ERC2: variants seen among roughly 807,000 people sequenced by gnomAD.
ERC2 encodes the protein ELKS/RAB6-interacting/CAST family member 2.
ERC2 carries 42 observed loss-of-function variants against 114.8 expected under a neutral mutation model. That is an observed-to-expected ratio of 0.37 (90% CI 0.29 to 0.47). ERC2 has a LOEUF of 0.47. ERC2 is among the 20% of genes least tolerant of loss of function. The probability of loss-of-function intolerance (pLI) is 0.99; values close to 1 mark genes in which losing one functional copy is unlikely to be tolerated. For synonymous variants in ERC2, 454 were observed against 425.5 expected (o/e 1.07, Z -0.82); for missense variants, 939 against 1,150.7 (o/e 0.82, Z 2.66).
At chr3:55,676,590 T>C (rs2061827090) in intron 17 of ERC2, among the ~76,000 whole-genome samples, 1 of 150,308 alleles carries the variant, frequency 6.7e-6, no homozygotes, top group Non-Finnish European at 1.5e-5. Context: ...TTTCCCTCCA[T>C]GTTCCTAACC....
At chr3:56,051,719 A>G (rs1028530341) in intron 7 of ERC2, among the ~76,000 whole-genome samples, 1 of 151,748 alleles carries the variant, frequency 6.6e-6, no homozygotes, top group South Asian at 2.1e-4. Context: ...CCAGCTACTC[A>G]AGAGACTGAG....
At chr3:56,451,841 T>C (rs2062840723) in intron 1 of ERC2, among the ~76,000 whole-genome samples, 1 of 152,248 alleles carries the variant, frequency 6.6e-6, no homozygotes, top group Non-Finnish European at 1.5e-5. Flanking sequence ...ACAGCCTCTT[T>C]ACTCAGGTTC....
At chr3:56,275,914 T>C (rs188448069) in intron 3 of ERC2, among the ~76,000 whole-genome samples, 3 of 152,020 alleles carry the variant, frequency 2.0e-5, no homozygotes, top group African/African-American at 4.8e-5. Flanking sequence ...CAAGCCCCCA[T>C]CCCCAGCAAA....
chr3:55,952,198 CTATATATA>C (rs139081238), intron 12 of ERC2, among the ~76,000 whole-genome samples: 5 of 108,640 alleles, frequency 4.6e-5, no homozygotes, highest in African/African-American at 1.8e-4. Flanking sequence ...CTCTCTCTCT[CTATATATA>C]TATATATATA....
intron 13 of ERC2, among the ~76,000 whole-genome samples, chr3:55,923,532 A>C (rs1576213105): frequency 6.6e-6 from 1 of 152,272 alleles, no homozygotes; most frequent in East Asian, 1.9e-4. Flanking sequence ...ACAATAAAAA[A>C]AAAGTTGGTT....
At chr3:55,775,057 A>C (rs887033434) in intron 14 of ERC2, among the ~76,000 whole-genome samples, 8 of 152,336 alleles carry the variant, frequency 5.3e-5, no homozygotes, top group African/African-American at 1.9e-4. Flanking sequence ...GTCTTTCCAC[A>C]GCAGAAGCAG....
intron 12 of ERC2, among the ~76,000 whole-genome samples, chr3:55,982,414 G>GA (rs1186404118): frequency 2.7e-5 from 4 of 150,744 alleles, no homozygotes; most frequent in African/African-American, 7.3e-5. Context: ...ACCTAATATG[G>GA]AAAAAAAATA....
At chr3:55,969,042 G>T (rs534578015) in intron 12 of ERC2, among the ~76,000 whole-genome samples, 1 of 152,198 alleles carries the variant, frequency 6.6e-6, no homozygotes, top group South Asian at 2.1e-4. Context: ...TATAAATGGA[G>T]ACAAAGTATA....
At chr3:55,949,622 T>TA (rs1199832774) in intron 13 of ERC2, among the ~76,000 whole-genome samples, 1 of 152,222 alleles carries the variant, frequency 6.6e-6, no homozygotes, top group Non-Finnish European at 1.5e-5. Context: ...AAAGATGAAC[T>TA]ATGAGTACAT....
chr3:55,932,510 C>T (rs753620264), intron 13 of ERC2, among the ~76,000 whole-genome samples: 7 of 152,270 alleles, frequency 4.6e-5, no homozygotes, highest in African/African-American at 9.6e-5. Context: ...GACCTTTGTA[C>T]ATGCTGTTTC....
intron 4 of ERC2, among the ~76,000 whole-genome samples, chr3:56,165,101 A>C (rs887238027): frequency 6.6e-6 from 1 of 152,026 alleles, no homozygotes; most frequent in Non-Finnish European, 1.5e-5. Context: ...AACATAATAG[A>C]AATAGAATAT....
chr3:56,362,872 T>G (rs1435881848), intron 2 of ERC2, among the ~76,000 whole-genome samples: 2 of 152,236 alleles, frequency 1.3e-5, no homozygotes, highest in Admixed American at 1.3e-4. Context: ...CTTGCATTTC[T>G]GAGCCTGAGC....
intron 2 of ERC2, among the ~76,000 whole-genome samples, chr3:56,330,436 G>A (rs761603910): frequency 1.3e-5 from 2 of 152,142 alleles, no homozygotes; most frequent in Non-Finnish European, 2.9e-5. Context: ...GATCTAGGAG[G>A]ATGCTAAACA....
intron 4 of ERC2, among the ~76,000 whole-genome samples, chr3:56,157,028 C>G (rs1369202260): frequency 6.6e-6 from 1 of 152,128 alleles, no homozygotes; most frequent in African/African-American, 2.4e-5. Flanking sequence ...CCCCATAATC[C>G]TATGAATTAA....
At chr3:56,348,868 AAAGGAAGGAAGG>A (rs559533182) in intron 2 of ERC2, among the ~76,000 whole-genome samples, 13,005 of 113,494 alleles carry the variant, frequency 0.11, 1,146 homozygotes, top group South Asian at 0.13. Context: ...AAAATGAAAG[AAAGGAAGGAAGG>A]AAGGAAGGAA....
intron 14 of ERC2, among the ~76,000 whole-genome samples, chr3:55,812,609 G>T (rs2059761017): frequency 6.6e-6 from 1 of 152,148 alleles, no homozygotes; most frequent in African/African-American, 2.4e-5. Context: ...GCTTGAGAGG[G>T]CAATCAAAGA....
chr3:55,706,577 A>T (rs1379436394), intron 15 of ERC2, among the ~76,000 whole-genome samples: 1 of 150,832 alleles, frequency 6.6e-6, no homozygotes, highest in African/African-American at 2.4e-5. Flanking sequence ...ATTTTATTTT[A>T]TTTTTTGTAT....
chr3:55,615,590 C>T (rs916317137), intron 17 of ERC2, among the ~76,000 whole-genome samples: 6 of 151,616 alleles, frequency 4.0e-5, no homozygotes, highest in East Asian at 3.9e-4. Context: ...TTAGCATCCG[C>T]GAAATAAAGT....
At chr3:56,082,580 T>C (rs1254761119) in intron 6 of ERC2, among the ~76,000 whole-genome samples, 1 of 152,076 alleles carries the variant, frequency 6.6e-6, no homozygotes, top group Non-Finnish European at 1.5e-5. Context: ...GTTAGAACAA[T>C]CCAGGAACTA....
Sources: allele counts gnomAD v4.1 joint callset (sites outside exome capture counted in the v4.1 genomes callset), GRCh38; gene constraint gnomAD v4.1.1; transcripts MANE v1.5; gene names NCBI Gene and HGNC (gene_info 2026-07-23, HGNC 2026-07-21).